SLC10A7: variants seen among roughly 807,000 people sequenced by gnomAD.
SLC10A7 encodes solute carrier family 10 member 7.
A neutral mutation model predicts 43.2 loss-of-function variants in SLC10A7; 29 were observed. That is an observed-to-expected ratio of 0.67 (90% CI 0.50 to 0.92). SLC10A7 has a LOEUF of 0.92. SLC10A7 is among the 40% of genes least tolerant of loss of function. SLC10A7 has a pLI of 0.00. For synonymous variants in SLC10A7, 152 were observed against 144.8 expected (o/e 1.05, Z -0.35); for missense variants, 295 against 403.2 (o/e 0.73, Z 2.30).
intron 6 of SLC10A7, among the ~76,000 whole-genome samples, chr4:146,310,228 G>A (rs1731870478): frequency 6.6e-6 from 1 of 152,102 alleles, no homozygotes; most frequent in Non-Finnish European, 1.5e-5. Context: ...CACTGTTGAT[G>A]GTCACTTAGG....
intron 5 of SLC10A7, among the ~76,000 whole-genome samples, chr4:146,403,363 G>C (rs974559117): frequency 6.6e-5 from 10 of 152,140 alleles, no homozygotes; most frequent in African/African-American, 2.4e-4. Context: ...CTATAGCACA[G>C]TCATGGAGTT....
At chr4:146,493,776 C>A (rs1175302201) in intron 4 of SLC10A7, among the ~76,000 whole-genome samples, 1 of 152,108 alleles carries the variant, frequency 6.6e-6, no homozygotes, top group Non-Finnish European at 1.5e-5. Context: ...AATACTTATA[C>A]AAAAAACCTG....
At chr4:146,439,902 T>C (rs1730467121) in intron 5 of SLC10A7, among the ~76,000 whole-genome samples, 1 of 152,152 alleles carries the variant, frequency 6.6e-6, no homozygotes, top group Non-Finnish European at 1.5e-5. Flanking sequence ...AATAATAAAA[T>C]AAAAATATAA....
chr4:146,411,786 ATC>A (rs2149833451), intron 5 of SLC10A7, among the ~76,000 whole-genome samples: 1 of 152,276 alleles, frequency 6.6e-6, no homozygotes, highest in Admixed American at 6.5e-5. Flanking sequence ...CCTATAGGTG[ATC>A]TGTTTCTTGG....
intron 5 of SLC10A7, among the ~76,000 whole-genome samples, chr4:146,386,815 G>C (rs1233686826): frequency 6.6e-6 from 1 of 152,050 alleles, no homozygotes; most frequent in African/African-American, 2.4e-5. Context: ...CTTCTTGGAA[G>C]GACAATTATT....
chr4:146,371,522 T>C lies in SLC10A7; in HGVS notation c.436-45526A>G, dbSNP rs891959513. Among the ~76,000 whole-genome samples, 9 of 152,146 alleles carry C rather than the reference T, an allele frequency of 5.9e-5. No individual in the cohort carries two copies. In the East Asian group the frequency reaches 1.7e-3, roughly 29 times the overall value. On this transcript the variant is annotated intron_variant, in intron 5 of 11. Coordinates refer to ENST00000335472, the MANE Select transcript of SLC10A7 (RefSeq NM_001029998.6). ...GAAAACCAAGGGATTCTTAGAAGGG[T>C]GGCATCATGAGAAAAGGAACGGAGT...
intron 5 of SLC10A7, among the ~76,000 whole-genome samples, chr4:146,392,804 C>T (rs1738536991): frequency 6.6e-6 from 1 of 152,032 alleles, no homozygotes; most frequent in African/African-American, 2.4e-5. Flanking sequence ...TCCTATTGCC[C>T]TTAGAGTAAA....
At chr4:146,270,049 T>A (rs1052283306) in intron 10 of SLC10A7, among the ~76,000 whole-genome samples, 4 of 152,198 alleles carry the variant, frequency 2.6e-5, no homozygotes, top group African/African-American at 4.8e-5. Context: ...CATAAAAGAA[T>A]GAGGCAGTTT....
At chr4:146,394,296 A>T (rs1300052326) in intron 5 of SLC10A7, among the ~76,000 whole-genome samples, 2 of 152,188 alleles carry the variant, frequency 1.3e-5, no homozygotes, top group South Asian at 2.1e-4. Context: ...TAAATAACAA[A>T]ATCAATAGGT....
Position 146,258,818 on chromosome 4 carries a change from G to T in SLC10A7, c.867C>A (p.Ile289=), listed in dbSNP as rs935163668. Residue 289 remains isoleucine (I), a synonymous_variant, in exon 11 of 12, where the codon ATC becomes ATA. Transcript: ENST00000335472. ...AGAGATGCTCATGGCCTGCAAACACGATCTTCAGCATCGGAATTCCTGTTG... is the reference window on the plus strand; with the variant it reads ...AGAGATGCTCATGGCCTGCAAACACTATCTTCAGCATCGGAATTCCTGTTG... The part of the protein sequence containing the change: ...SLTLGIPMLK[I]VFAGHEHLSL... 1.9e-5 allele frequency: 31 copies of T among 1,607,236 alleles called. No individual in the cohort carries two copies. Among genetic ancestry groups the T allele is most frequent in the Non-Finnish European group, 2.5e-5 (30 of 1,178,492 alleles).
At position 146,332,232 on chromosome 4, in the gene SLC10A7, C is replaced by T. The variant is rs118009882; in HGVS notation, c.436-6236G>A. Among the ~76,000 whole-genome samples, 95 of 152,272 alleles carry T rather than the reference C, an allele frequency of 6.2e-4. 1 individual carries two copies. In the East Asian group the frequency reaches 0.017, roughly 27 times the overall value. On this transcript the variant is annotated intron_variant, in intron 5 of 11. Transcript: ENST00000335472. ...AACATGCTGCTTTGTTTATTAGGCA[C>T]GGTACACTATTGTGAAGACAGAGGC...
chr4:146,272,855 G>A (rs895628725), intron 10 of SLC10A7, among the ~76,000 whole-genome samples: 2 of 152,038 alleles, frequency 1.3e-5, no homozygotes, highest in Admixed American at 6.6e-5. Flanking sequence ...AACTGACAGC[G>A]AGTGCACAGA....
chr4:146,366,279 T>C (rs951217307), intron 5 of SLC10A7, among the ~76,000 whole-genome samples: 14 of 152,206 alleles, frequency 9.2e-5, no homozygotes, highest in Admixed American at 9.2e-4. Flanking sequence ...ATGTATTATG[T>C]AACCATCCCA....
intron 6 of SLC10A7, among the ~76,000 whole-genome samples, chr4:146,319,823 T>C (rs1427810207): frequency 6.6e-6 from 1 of 151,880 alleles, no homozygotes; most frequent in Non-Finnish European, 1.5e-5. Context: ...TGTGAAAATA[T>C]AGGAGAAAAA....
intron 4 of SLC10A7, among the ~76,000 whole-genome samples, chr4:146,472,550 A>G (rs1186851506): frequency 6.6e-6 from 1 of 151,860 alleles, no homozygotes; most frequent in African/African-American, 2.4e-5. Context: ...CTGGGATAGG[A>G]AGAGGGCAGC....
chr4:146,472,678 CAA>C lies in SLC10A7; in HGVS notation c.397-29859_397-29858del, dbSNP rs1733678634. ...GGAAGCTGCCTTATCACCTGCCTAT[CAA>C]CCTGTGGCAGCTAGAGCTAGCTCAA... On this transcript the variant is annotated intron_variant, in intron 4 of 11. Coordinates refer to ENST00000335472, the MANE Select transcript of SLC10A7 (RefSeq NM_001029998.6). Among the ~76,000 whole-genome samples, 3 of 152,196 alleles carry C rather than the reference CAA, an allele frequency of 2.0e-5. No individual in the cohort carries two copies. In the South Asian group the frequency reaches 6.2e-4, roughly 31 times the overall value.
chr4:146,354,426 G>A (rs967113002), intron 5 of SLC10A7, among the ~76,000 whole-genome samples: 52 of 152,106 alleles, frequency 3.4e-4, no homozygotes, highest in Non-Finnish European at 5.6e-4. Context: ...ATGCTAATGG[G>A]TAGGAAGAAT....
rs191007037 is a variant in SLC10A7 at position 146,308,968 on chromosome 4, G to A, written c.472-2959C>T. On this transcript the variant is annotated intron_variant, in intron 6 of 11. Coordinates refer to ENST00000335472, the MANE Select transcript of SLC10A7 (RefSeq NM_001029998.6). ...GCTAGGGGCATGTTCTTGACACTGC[G>A]GATACAACTGTAGACAAAACACAAA... 2.8e-3 allele frequency among the ~76,000 whole-genome samples: 431 copies of A among 152,150 alleles called. 6 individuals carry two copies. The highest frequency in any genetic ancestry group is 9.9e-3 in the African/African-American group (413 of 41,514).
chr4:146,441,268 G>A (rs1332570969), intron 5 of SLC10A7, among the ~76,000 whole-genome samples: 2 of 152,132 alleles, frequency 1.3e-5, no homozygotes, highest in Admixed American at 6.5e-5. Context: ...AGAACCACAA[G>A]AACAAGTTGT....
Sources: gnomAD v4.1 joint callset for allele counts (sites outside exome capture counted in the v4.1 genomes callset) on GRCh38, gnomAD v4.1.1 for gene constraint, MANE v1.5 for transcripts, NCBI Gene and HGNC (gene_info 2026-07-23, HGNC 2026-07-21) for gene names.